ZMAT4: variants seen among roughly 807,000 people sequenced by gnomAD.
ZMAT4 encodes the protein zinc finger matrin-type 4.
A neutral mutation model predicts 28.7 loss-of-function variants in ZMAT4; 17 were observed. That is an observed-to-expected ratio of 0.59 (90% CI 0.41 to 0.89). The LOEUF (loss-of-function observed/expected upper bound fraction) is 0.89, where lower values mean the gene tolerates loss of function less well. Ranked by LOEUF, ZMAT4 falls within the 40% of genes least tolerant of loss-of-function variation. The probability of loss-of-function intolerance (pLI) is 0.00; values close to 1 mark genes in which losing one functional copy is unlikely to be tolerated. For missense variants in ZMAT4, 240 were observed against 283.8 expected (o/e 0.85, Z 1.11); for synonymous variants, 117 against 109.2 (o/e 1.07, Z -0.44).
intron 3 of ZMAT4, among the ~76,000 whole-genome samples, chr8:40,751,293 T>A (rs1044241156): frequency 6.6e-6 from 1 of 152,128 alleles, no homozygotes; most frequent in Non-Finnish European, 1.5e-5. Context: ...ACAGGAAGCA[T>A]GGTGCCAGCA....
intron 3 of ZMAT4, among the ~76,000 whole-genome samples, chr8:40,759,194 A>T (rs1033822649): frequency 1.3e-5 from 2 of 151,146 alleles, no homozygotes; most frequent in Non-Finnish European, 1.5e-5. Flanking sequence ...AGGCAGGAGA[A>T]TCACTTGAAC....
intron 3 of ZMAT4, among the ~76,000 whole-genome samples, chr8:40,729,338 C>A (rs770378624): frequency 6.6e-6 from 1 of 152,232 alleles, no homozygotes; most frequent in African/African-American, 2.4e-5. Context: ...TTGTGCTGAC[C>A]TTTAAGCTAG....
chr8:40,737,702 T>C (rs1423333858), intron 3 of ZMAT4, among the ~76,000 whole-genome samples: 1 of 152,052 alleles, frequency 6.6e-6, no homozygotes, highest in Non-Finnish European at 1.5e-5. Context: ...GAAGTGGAGT[T>C]GAGAGGAAGT....
At chr8:40,873,243 G>A (rs1280508724) in intron 1 of ZMAT4, among the ~76,000 whole-genome samples, 1 of 152,186 alleles carries the variant, frequency 6.6e-6, no homozygotes, top group African/African-American at 2.4e-5. Context: ...AAAAGATAAT[G>A]CTAATGTTGC....
intron 6 of ZMAT4, among the ~76,000 whole-genome samples, chr8:40,546,048 G>A (rs1165897293): frequency 6.6e-6 from 1 of 151,784 alleles, no homozygotes; most frequent in Non-Finnish European, 1.5e-5. Context: ...CCAGTGTAAT[G>A]AGTGTCCCAG....
intron 3 of ZMAT4, among the ~76,000 whole-genome samples, chr8:40,720,609 C>A (rs1468140328): frequency 6.8e-6 from 1 of 147,428 alleles, no homozygotes; most frequent in East Asian, 2.1e-4. Context: ...CTCACTGCAA[C>A]CTCTGCCTTC....
Position 40,621,313 on chromosome 8 carries a change from C to A in ZMAT4, c.578-40052G>T, listed in dbSNP as rs1331353388. ...TTGAAATACTTAGGTGAGACCAGAA[C>A]TTAGACCACTGAGGGATGACTACAG... On this transcript the variant is annotated intron_variant, in intron 5 of 6. Transcript: ENST00000297737. Among the ~76,000 whole-genome samples, 4 of 152,316 alleles carry A rather than the reference C, an allele frequency of 2.6e-5. No individual in the cohort carries two copies. In the East Asian group the frequency reaches 7.7e-4, roughly 29 times the overall value.
At chr8:40,889,695 A>G (rs1422944626) in intron 1 of ZMAT4, among the ~76,000 whole-genome samples, 1 of 152,146 alleles carries the variant, frequency 6.6e-6, no homozygotes, top group Non-Finnish European at 1.5e-5. Context: ...ATTCTTATGT[A>G]TTATTCAATG....
chr8:40,884,639 G>A (rs1351163675), intron 1 of ZMAT4: 2 of 152,262 alleles, frequency 1.3e-5, no homozygotes, highest in Non-Finnish European at 2.9e-5. Context: ...TGACCCAGCA[G>A]ATCACTACTT....
At chr8:40,579,199 T>C (rs1281163594) in intron 6 of ZMAT4, among the ~76,000 whole-genome samples, 1 of 152,228 alleles carries the variant, frequency 6.6e-6, no homozygotes, top group East Asian at 1.9e-4. Flanking sequence ...CTGGAGGTAC[T>C]ATCTGTATTA....
At chr8:40,555,020 T>C (rs757549957) in intron 6 of ZMAT4, among the ~76,000 whole-genome samples, 3 of 152,164 alleles carry the variant, frequency 2.0e-5, no homozygotes, top group Non-Finnish European at 4.4e-5. Flanking sequence ...TTCTACTCTC[T>C]ATCTCCATGA....
intron 3 of ZMAT4, among the ~76,000 whole-genome samples, chr8:40,698,153 G>A (rs547055744): frequency 6.6e-6 from 1 of 152,094 alleles, no homozygotes; most frequent in Non-Finnish European, 1.5e-5. Flanking sequence ...TATGATGACT[G>A]TGCTGGCTGG....
At chr8:40,649,838 T>G (rs370554302) in intron 5 of ZMAT4, among the ~76,000 whole-genome samples, 1 of 151,774 alleles carries the variant, frequency 6.6e-6, no homozygotes, top group Non-Finnish European at 1.5e-5. Flanking sequence ...GGGTACATAA[T>G]GAAATGAAGG....
chr8:40,548,205 C>T (rs1803261313), intron 6 of ZMAT4, among the ~76,000 whole-genome samples: 1 of 151,970 alleles, frequency 6.6e-6, no homozygotes, highest in African/African-American at 2.4e-5. Context: ...CACTTTTATG[C>T]TGAACAAGAT....
At chr8:40,877,049 G>GAC (rs1234554624) in intron 1 of ZMAT4, among the ~76,000 whole-genome samples, 1 of 152,182 alleles carries the variant, frequency 6.6e-6, no homozygotes, top group Non-Finnish European at 1.5e-5. Flanking sequence ...ATTAAAACGA[G>GAC]ACCATTAGGG....
chr8:40,752,993 G>T lies in ZMAT4; in HGVS notation c.192+14648C>A, dbSNP rs1009145890. ...CTGCACCTATCAACCCGTCATCTAG[G>T]TTTTAAGCCCTGTATGCATTAGGTA... On this transcript the variant is annotated intron_variant, in intron 3 of 6. Coordinates refer to ENST00000297737, the MANE Select transcript of ZMAT4 (RefSeq NM_024645.3). Among the ~76,000 whole-genome samples the T allele has an allele frequency of 9.9e-5, 15 of 152,114 alleles. No individual in the cohort carries two copies. In the East Asian group the frequency reaches 2.9e-3, roughly 30 times the overall value.
At chr8:40,852,039 G>A (rs1351270755) in intron 1 of ZMAT4, among the ~76,000 whole-genome samples, 1 of 152,088 alleles carries the variant, frequency 6.6e-6, no homozygotes, top group Non-Finnish European at 1.5e-5. Context: ...TGGGACTACA[G>A]GCGCCTGACT....
chr8:40,583,714 A>T (rs915843263), intron 5 of ZMAT4, among the ~76,000 whole-genome samples: 1 of 152,140 alleles, frequency 6.6e-6, no homozygotes, highest in African/African-American at 2.4e-5. Flanking sequence ...CATTTTAGGG[A>T]GCCACGAGGC....
intron 5 of ZMAT4, among the ~76,000 whole-genome samples, chr8:40,673,677 A>C (rs1808780432): frequency 6.6e-6 from 1 of 152,190 alleles, no homozygotes; most frequent in Admixed American, 6.5e-5. Context: ...GATCAAAAGT[A>C]TGTAGGTGAT....
Sources: gnomAD v4.1 joint callset for allele counts (sites outside exome capture counted in the v4.1 genomes callset) on GRCh38, gnomAD v4.1.1 for gene constraint, MANE v1.5 for transcripts, NCBI Gene and HGNC (gene_info 2026-07-23, HGNC 2026-07-21) for gene names.